CTTNBP2: variants seen among roughly 807,000 people sequenced by gnomAD.
CTTNBP2 encodes cortactin-binding protein 2.
Under a neutral mutation model 156.9 loss-of-function variants are expected in CTTNBP2, and 108 were observed. That is an observed-to-expected ratio of 0.69 (90% CI 0.59 to 0.81). The LOEUF (loss-of-function observed/expected upper bound fraction) is 0.81, where lower values mean the gene tolerates loss of function less well. CTTNBP2 is among the 30% of genes least tolerant of loss of function. The pLI is 0.00. For missense variants in CTTNBP2, 1,924 were observed against 2,035.4 expected, an observed-to-expected ratio of 0.95 and a Z score of 1.05; for synonymous variants, 767 against 751.8, an observed-to-expected ratio of 1.02 and a Z score of -0.33.
chr7:117,743,630 C>T (rs893799995), intron 14 of CTTNBP2, among the ~76,000 whole-genome samples: 4 of 151,360 alleles, frequency 2.6e-5, no homozygotes, highest in South Asian at 2.1e-4. Flanking sequence ...GGTGTGGTGG[C>T]GAGCGCCTGT....
chr7:117,838,970 G>A (rs1488288276), intron 2 of CTTNBP2, among the ~76,000 whole-genome samples: 1 of 115,790 alleles, frequency 8.6e-6, no homozygotes, highest in Non-Finnish European at 1.7e-5. Context: ...GCGGGGGCGG[G>A]GGGGGGGCTT....
intron 1 of CTTNBP2, among the ~76,000 whole-genome samples, chr7:117,866,259 A>G (rs1169423741): frequency 6.6e-5 from 10 of 152,200 alleles, no homozygotes; most frequent in Admixed American, 3.9e-4. Context: ...GGGGAATTCA[A>G]TAGATACAGC....
chr7:117,723,463 T>C (rs1436311140), intron 19 of CTTNBP2, among the ~76,000 whole-genome samples: 1 of 152,154 alleles, frequency 6.6e-6, no homozygotes, highest in Non-Finnish European at 1.5e-5. Context: ...ACAAATACTT[T>C]GAGAGAGGAG....
intron 2 of CTTNBP2, among the ~76,000 whole-genome samples, chr7:117,817,209 C>T (rs1202452256): frequency 6.6e-6 from 1 of 150,526 alleles, no homozygotes; most frequent in Non-Finnish European, 1.5e-5. Context: ...TGGTGGGTGC[C>T]TGTAGTCCCA....
Position 117,780,513 on chromosome 7 carries a change from G to C in CTTNBP2, c.2451C>G (p.Ala817=). 6.2e-7 allele frequency: 1 copy of C among 1,600,236 alleles called. No homozygotes were observed. Among genetic ancestry groups the C allele is most frequent in the South Asian group, 1.1e-5 (1 of 88,802 alleles). Residue 817 remains alanine (A), a synonymous_variant, in exon 7 of 23, where the codon GCC becomes GCG. Transcript: ENST00000160373. ...TACATTCTTTATTTCCATTTTTACA[G>C]GCCAGGTATAGAGGTGTCTGTCCTC... is the stretch of plus-strand genomic sequence containing the variant. ...ADGGQTPLYL[A]CKNGNKECIK...
intron 8 of CTTNBP2, among the ~76,000 whole-genome samples, chr7:117,768,143 C>T (rs1428658793): frequency 6.6e-6 from 1 of 151,990 alleles, no homozygotes; most frequent in African/African-American, 2.4e-5. Context: ...GGCTGTCTTG[C>T]AGTTCTAACA....
intron 2 of CTTNBP2, among the ~76,000 whole-genome samples, chr7:117,838,664 A>G (rs1311112029): frequency 6.6e-6 from 1 of 152,162 alleles, no homozygotes; most frequent in East Asian, 1.9e-4. Flanking sequence ...GGAAGACTGG[A>G]GACAGACGAA....
At chr7:117,717,679 TAGATTTC>T (rs1794506116) in intron 22 of CTTNBP2, among the ~76,000 whole-genome samples, 1 of 151,678 alleles carries the variant, frequency 6.6e-6, no homozygotes, top group African/African-American at 2.4e-5. Context: ...GGTACTATCT[TAGATTTC>T]AGGCATCACC....
chr7:117,802,179 T>C (rs1799656563), intron 3 of CTTNBP2, among the ~76,000 whole-genome samples: 2 of 151,438 alleles, frequency 1.3e-5, no homozygotes, highest in East Asian at 2.0e-4. Flanking sequence ...GTTCTTGCGA[T>C]AGTTTACTGA....
intron 8 of CTTNBP2, among the ~76,000 whole-genome samples, chr7:117,771,087 G>T (rs1003041303): frequency 5.9e-5 from 9 of 152,144 alleles, no homozygotes; most frequent in Admixed American, 4.6e-4. Flanking sequence ...CTGTCTTTAT[G>T]CTGGGTGCCC....
intron 16 of CTTNBP2, among the ~76,000 whole-genome samples, chr7:117,729,972 T>A (rs1436669946): frequency 6.6e-6 from 1 of 152,138 alleles, no homozygotes; most frequent in Non-Finnish European, 1.5e-5. Context: ...AAATGGATGC[T>A]GATGTTTGCA....
rs2116809086 is a variant in CTTNBP2 at position 117,782,897 on chromosome 7, T to C, written c.2337A>G (p.Thr779=). ...CCTGAGCAGCTGCAGCACACAAGGGTGTGAAGCCATTTTTATCAGCAGCAT... is the reference window on the plus strand; with the variant it reads ...CCTGAGCAGCTGCAGCACACAAGGGCGTGAAGCCATTTTTATCAGCAGCAT... The part of the protein sequence containing the change: ...QVNAADKNGF[T]PLCAAAAQGH... Residue 779 remains threonine (T), a synonymous_variant, in exon 6 of 23, where the codon ACA becomes ACG. Transcript: ENST00000160373. The C allele has an allele frequency of 6.2e-7, 1 of 1,613,926 alleles. No individual in the cohort carries two copies. Among genetic ancestry groups the C allele is most frequent in the Non-Finnish European group, 8.5e-7 (1 of 1,179,914 alleles).
intron 8 of CTTNBP2, among the ~76,000 whole-genome samples, chr7:117,769,479 C>G (rs1288756345): frequency 6.6e-6 from 1 of 152,166 alleles, no homozygotes; most frequent in Non-Finnish European, 1.5e-5. Flanking sequence ...AGAGGGATCT[C>G]TCTAAAGCTT....
At chr7:117,790,923 A>T (rs1798958941) in intron 4 of CTTNBP2, among the ~76,000 whole-genome samples, 1 of 152,178 alleles carries the variant, frequency 6.6e-6, no homozygotes. Context: ...AGCATAGCGA[A>T]ACCGCAATTC....
chr7:117,811,252 G>A (rs1800259887), intron 2 of CTTNBP2, among the ~76,000 whole-genome samples: 1 of 151,976 alleles, frequency 6.6e-6, no homozygotes, highest in Non-Finnish European at 1.5e-5. Context: ...TTCCTATGGT[G>A]CCCTACTCCT....
intron 2 of CTTNBP2, among the ~76,000 whole-genome samples, chr7:117,818,561 A>G (rs1800761615): frequency 6.6e-6 from 1 of 152,210 alleles, no homozygotes; most frequent in African/African-American, 2.4e-5. Context: ...AAGCCATGAA[A>G]TGGACACTGC....
At chr7:117,850,968 G>A (rs1255774597) in intron 2 of CTTNBP2, among the ~76,000 whole-genome samples, 3 of 152,150 alleles carry the variant, frequency 2.0e-5, no homozygotes, top group Non-Finnish European at 2.9e-5. Flanking sequence ...AAAGGCTGTT[G>A]GAAGAACTAG....
rs1803941267 is a variant in CTTNBP2, at chr7:117,863,973, C to CAAAA, written c.82-2658_82-2657insTTTT. On this transcript the variant is annotated intron_variant, in intron 1 of 22. Transcript: ENST00000160373. The stretch of plus-strand genomic sequence containing the variant: ...TTTATTAATGATGCTGCTGGTTGCT[C>CAAAA]TAAAGATTTTAATTAATTGTATATT... Among the ~76,000 whole-genome samples, 7 of 152,194 alleles carry CAAAA rather than the reference C, an allele frequency of 4.6e-5. 1 individual carries two copies. Among genetic ancestry groups the CAAAA allele is most frequent in the Admixed American group, 2.6e-4 (4 of 15,298 alleles).
At position 117,711,345 on chromosome 7, in the gene CTTNBP2, G is replaced by T; in HGVS notation, c.*192C>A. On this transcript the variant is annotated 3_prime_UTR_variant, in exon 23 of 23. Transcript: ENST00000160373. The stretch of plus-strand genomic sequence containing the variant: ...CCTGGTATTGAAGTTCAATCCTACA[G>T]AATTAAAAAAAAAAGCAACAAAATG... The T allele has an allele frequency of 1.7e-6, 1 of 573,068 alleles. No homozygotes were observed. The highest frequency in any genetic ancestry group is 2.9e-6 in the Non-Finnish European group (1 of 345,624). 35.5% of individuals were successfully genotyped at this position (573,068 alleles called of 1,614,324 possible).
Sources: gnomAD v4.1 joint callset for allele counts (sites outside exome capture counted in the v4.1 genomes callset) on GRCh38, gnomAD v4.1.1 for gene constraint, MANE v1.5 for transcripts, NCBI Gene and HGNC (gene_info 2026-07-23, HGNC 2026-07-21) for gene names.